The following PCDHGB3 variants were observed in gnomAD, a reference collection of about 807,000 sequenced individuals.
PCDHGB3 encodes protocadherin gamma-B3.
Under a neutral mutation model 59.2 loss-of-function variants are expected in PCDHGB3, and 40 were observed. The observed-to-expected ratio is 0.68, with a 90% CI of 0.52 to 0.88. The LOEUF (loss-of-function observed/expected upper bound fraction) is 0.88, where lower values mean the gene tolerates loss of function less well. PCDHGB3 is among the 40% of genes least tolerant of loss of function. The pLI, the probability that PCDHGB3 is intolerant of heterozygous loss-of-function variation, is 0.00. For synonymous variants in PCDHGB3, 581 were observed against 503.6 expected, an observed-to-expected ratio of 1.15 and a Z score of -2.06; for missense variants, 1,309 against 1,187.9, an observed-to-expected ratio of 1.10 and a Z score of -1.50.
chr5:141,456,072 T>C (rs1349808406), intron 1 of PCDHGB3, among the ~76,000 whole-genome samples: 2 of 151,950 alleles, frequency 1.3e-5, no homozygotes, highest in Non-Finnish European at 2.9e-5. Flanking sequence ...TAATTTTTTG[T>C]ATTTTCAGTA....
chr5:141,372,554 A>T lies in PCDHGB3; in HGVS notation c.2160A>T (p.Arg720Ser). Residue 720 changes from arginine (R) to serine (S), a missense_variant, in exon 1 of 4, where the codon AGA (arginine) becomes AGT (serine). Coordinates refer to ENST00000576222, the MANE Select transcript of PCDHGB3 (RefSeq NM_018924.5). ...AISLRLRCSS[R>S]PATEGYFQPG... ...CCCTGCGCCTGCGATGCTCCTCCAGACCCGCCACTGAGGGCTACTTTCAGC... is the reference window on the plus strand; with the variant it reads ...CCCTGCGCCTGCGATGCTCCTCCAGTCCCGCCACTGAGGGCTACTTTCAGC... 6.2e-7 allele frequency: 1 copy of T among 1,612,360 alleles called. No individual in the cohort carries two copies. The highest frequency in any genetic ancestry group is 8.5e-7 in the Non-Finnish European group (1 of 1,179,366).
intron 1 of PCDHGB3, chr5:141,404,701 G>C (rs563319884): frequency 1.2e-6 from 2 of 1,613,956 alleles, no homozygotes; most frequent in Non-Finnish European, 1.7e-6. Context: ...GCTCTGCAGA[G>C]CCTGGCTACC....
intron 1 of PCDHGB3, chr5:141,428,078 C>A (rs747287202): frequency 1.2e-6 from 2 of 1,609,216 alleles, no homozygotes; most frequent in Admixed American, 3.3e-5. Flanking sequence ...ATTCGGGACA[C>A]AACGCTTGGC....
Position 141,371,955 on chromosome 5 carries a change from GA to G in PCDHGB3, c.1562del (p.Asp521AlafsTer26). The G allele has an allele frequency of 6.2e-7, 1 of 1,613,258 alleles. No homozygotes were observed. Among genetic ancestry groups the G allele is most frequent in the Non-Finnish European group, 8.5e-7 (1 of 1,179,856 alleles). The part of the protein sequence containing the change: ...SGVVFAQRAF[D>X]HEQLRAFELT... ...GGTGGTGTTCGCGCAGCGAGCCTTC[GA>G]CCACGAGCAGCTGCGTGCCTTCGAG... On this transcript the variant is annotated frameshift_variant, in exon 1 of 4. Coordinates refer to ENST00000576222, the MANE Select transcript of PCDHGB3 (RefSeq NM_018924.5). LOFTEE classifies it high-confidence loss of function.
chr5:141,377,940 A>G (rs112263014), intron 1 of PCDHGB3: 1 of 152,188 alleles, frequency 6.6e-6, no homozygotes, highest in Non-Finnish European at 1.5e-5. Context: ...TGCTGCTTAT[A>G]GAGTGTGTAT....
At chr5:141,457,933 TATTGGC>T (rs2098933012) in intron 1 of PCDHGB3, among the ~76,000 whole-genome samples, 2 of 152,206 alleles carry the variant, frequency 1.3e-5, no homozygotes, top group Non-Finnish European at 2.9e-5. Context: ...AAGGGGCTTT[TATTGGC>T]TCTGCATGTC....
At chr5:141,382,762 C>T in intron 1 of PCDHGB3, 1 of 690,986 alleles carries the variant, frequency 1.4e-6, no homozygotes, top group Non-Finnish European at 2.4e-6. Context: ...AAGCCCTCTT[C>T]CAGGCTGCAC....
intron 1 of PCDHGB3, chr5:141,399,154 G>T (rs780620346): frequency 1.2e-6 from 2 of 1,613,850 alleles, no homozygotes; most frequent in South Asian, 1.1e-5. Context: ...TAGCCCAGAA[G>T]TTACATTCCA....
Position 141,490,849 on chromosome 5 carries a change from C to T in PCDHGB3, c.2416-3958C>T, listed in dbSNP as rs200640560. The stretch of plus-strand genomic sequence containing the variant: ...GATGCTGCAGATTGTGGTGGGGGTT[C>T]GAGACTCCGGCTCTCCCCCATTGCA... On this transcript the variant is annotated intron_variant, in intron 1 of 3. Coordinates refer to ENST00000576222, the MANE Select transcript of PCDHGB3 (RefSeq NM_018924.5). This position sits in a 1 kb window ranked among gnomAD's most constrained non-coding sequence, Gnocchi z 5.4. The T allele has an allele frequency of 1.3e-5, 21 of 1,613,748 alleles. No individual in the cohort carries two copies. Among genetic ancestry groups the T allele is most frequent in the Admixed American group, 1.7e-5 (1 of 60,022 alleles).
intron 1 of PCDHGB3, among the ~76,000 whole-genome samples, chr5:141,434,195 T>C (rs1561872734): frequency 6.6e-6 from 1 of 151,916 alleles, no homozygotes; most frequent in Non-Finnish European, 1.5e-5. Flanking sequence ...AATTCCAATG[T>C]ACTTACTTCT....
intron 3 of PCDHGB3, among the ~76,000 whole-genome samples, chr5:141,508,984 C>G (rs1039260828): frequency 4.7e-4 from 72 of 152,154 alleles, no homozygotes; most frequent in African/African-American, 1.7e-3. Context: ...GGGTGGGGGC[C>G]AGCTGGGGTA....
intron 1 of PCDHGB3, chr5:141,374,129 C>A: frequency 6.2e-7 from 1 of 1,603,566 alleles, no homozygotes; most frequent in South Asian, 1.1e-5. Flanking sequence ...GCAGGTCCTG[C>A]TCCTCACGCT....
intron 1 of PCDHGB3, among the ~76,000 whole-genome samples, chr5:141,405,902 G>A (rs777584362): frequency 2.6e-5 from 4 of 152,084 alleles, no homozygotes; most frequent in Non-Finnish European, 4.4e-5. Flanking sequence ...CTGAAAGGAG[G>A]CATTTATTAG....
At position 141,485,348 on chromosome 5, in the gene PCDHGB3, C is replaced by A; in HGVS notation, c.2416-9459C>A. ...AGATTTCCTGCTGGATACGGACAGT[C>A]TGTCAGCTCGCAGGCTGCAGGTCGC... On this transcript the variant is annotated intron_variant, in intron 1 of 3. Coordinates refer to ENST00000576222, the MANE Select transcript of PCDHGB3 (RefSeq NM_018924.5). This position sits in a 1 kb window ranked among gnomAD's most constrained non-coding sequence, Gnocchi z 5.7. 6.2e-7 allele frequency: 1 copy of A among 1,614,146 alleles called. No individual in the cohort carries two copies. Among genetic ancestry groups the A allele is most frequent in the Non-Finnish European group, 8.5e-7 (1 of 1,180,008 alleles).
intron 1 of PCDHGB3, chr5:141,419,680 C>T (rs757026598): frequency 9.3e-6 from 15 of 1,612,946 alleles, no homozygotes; most frequent in Non-Finnish European, 1.3e-5. Flanking sequence ...TGTCCTACCA[C>T]GTGGTGCAGG....
At chr5:141,387,099 T>C (rs997819435) in intron 1 of PCDHGB3, among the ~76,000 whole-genome samples, 3 of 152,210 alleles carry the variant, frequency 2.0e-5, no homozygotes, top group Admixed American at 1.3e-4. Context: ...GAAATGAGAA[T>C]CACATAATAT....
intron 1 of PCDHGB3, chr5:141,409,744 G>A (rs1255485257): frequency 6.2e-7 from 1 of 1,612,978 alleles, no homozygotes; most frequent in Non-Finnish European, 8.5e-7. Flanking sequence ...GCGGGGTGGT[G>A]TTCGCGCAGC....
At chr5:141,502,377 C>A (rs748121694) in intron 2 of PCDHGB3, among the ~76,000 whole-genome samples, 14 of 151,904 alleles carry the variant, frequency 9.2e-5, no homozygotes, top group Non-Finnish European at 1.3e-4. Flanking sequence ...AGAGTCCAGG[C>A]CAGTTGTACT....
At chr5:141,470,838 C>T (rs142581300) in intron 1 of PCDHGB3, among the ~76,000 whole-genome samples, 5 of 152,222 alleles carry the variant, frequency 3.3e-5, no homozygotes, top group African/African-American at 7.2e-5. Flanking sequence ...CAAACACACG[C>T]CACCATGCTC....
Sources: gnomAD v4.1 joint callset for allele counts (sites outside exome capture counted in the v4.1 genomes callset) on GRCh38, gnomAD v4.1.1 for gene constraint, Gnocchi (gnomAD v3.1) non-coding constraint, MANE v1.5 for transcripts, NCBI Gene and HGNC (gene_info 2026-07-23, HGNC 2026-07-21) for gene names.